Variants in VAV3 observed in about 807,000 individuals in gnomAD.
The protein encoded by VAV3 is vav guanine nucleotide exchange factor 3, also known as guanine nucleotide exchange factor VAV3.
In VAV3, 94 loss-of-function variants were observed where a neutral mutation model predicts 131.2. The observed-to-expected ratio is 0.72, with a 90% confidence interval of 0.61 to 0.85. VAV3 has a LOEUF of 0.85. Among genes scored for constraint, VAV3 ranks in the 40% least tolerant of loss-of-function variants. VAV3 has a pLI of 0.00. For synonymous variants in VAV3, 349 were observed against 342.0 expected (o/e 1.02, Z -0.22); for missense variants, 939 against 1,002.7 (o/e 0.94, Z 0.86).
intron 2 of VAV3, among the ~76,000 whole-genome samples, chr1:107,784,827 A>T (rs931031450): frequency 2.0e-5 from 3 of 152,240 alleles, no homozygotes; most frequent in Non-Finnish European, 4.4e-5. Context: ...AGGTGTCCAG[A>T]TATGTAAAGG....
intron 20 of VAV3, among the ~76,000 whole-genome samples, chr1:107,633,900 C>T (rs1469143407): frequency 6.6e-6 from 1 of 152,036 alleles, no homozygotes; most frequent in Non-Finnish European, 1.5e-5. Flanking sequence ...CATTCGAGAC[C>T]TTACAGCTGC....
rs552698828 is a variant in VAV3 at position 107,736,644 on chromosome 1, C to T, written c.1502+12324G>A. ...ATAAAATACCTAGGAATCCAACTTA[C>T]AAGGGATGTGAAGGATGTCTTCAAG... On this transcript the variant is annotated intron_variant, in intron 15 of 26. Coordinates refer to ENST00000370056, the MANE Select transcript of VAV3 (RefSeq NM_006113.5). Among the ~76,000 whole-genome samples, 34 of 152,194 alleles carry T rather than the reference C, an allele frequency of 2.2e-4. No individual in the cohort carries two copies. In the South Asian group the frequency reaches 7.1e-3, roughly 32 times the overall value.
chr1:107,869,869 C>T (rs1670176720), intron 2 of VAV3, among the ~76,000 whole-genome samples: 1 of 152,164 alleles, frequency 6.6e-6, no homozygotes, highest in African/African-American at 2.4e-5. Flanking sequence ...TAGCTTAGCT[C>T]CCACATATGA....
chr1:107,736,714 C>A (rs1662661416), intron 15 of VAV3, among the ~76,000 whole-genome samples: 1 of 151,742 alleles, frequency 6.6e-6, no homozygotes, highest in Admixed American at 6.6e-5. Flanking sequence ...AAGACACAAA[C>A]AAATGGAAGA....
In VAV3 at chr1:107,654,395, T is replaced by C. The variant is rs559525828; in HGVS notation, c.1778-11640A>G. 1.1e-3 allele frequency among the ~76,000 whole-genome samples: 173 copies of C among 152,146 alleles called. 2 individuals carry two copies. The highest frequency in any genetic ancestry group is 3.7e-3 in the African/African-American group (154 of 41,558). ...GGGATTATAATATTGGAAATATATA[T>C]TGTCTCCTTCCTATAAATTAATTGG... is the stretch of plus-strand genomic sequence containing the variant. On this transcript the variant is annotated intron_variant, in intron 19 of 26. Transcript: ENST00000370056.
intron 2 of VAV3, among the ~76,000 whole-genome samples, chr1:107,782,347 G>A (rs1221557940): frequency 3.3e-5 from 5 of 151,698 alleles, no homozygotes; most frequent in Admixed American, 1.3e-4. Flanking sequence ...CCTACACACC[G>A]CCTCTTTCAG....
intron 19 of VAV3, among the ~76,000 whole-genome samples, chr1:107,655,583 C>A (rs1195458290): frequency 2.6e-5 from 4 of 151,962 alleles, no homozygotes; most frequent in Non-Finnish European, 5.9e-5. Context: ...TTGTGTAAGA[C>A]CTCAAAAGCA....
At chr1:107,769,767 T>C (rs1664936104) in intron 6 of VAV3, among the ~76,000 whole-genome samples, 2 of 152,194 alleles carry the variant, frequency 1.3e-5, no homozygotes, top group Non-Finnish European at 2.9e-5. Context: ...ATTCATGCAG[T>C]TTCTCATGCC....
At chr1:107,816,372 T>C (rs1667560949) in intron 2 of VAV3, among the ~76,000 whole-genome samples, 1 of 152,330 alleles carries the variant, frequency 6.6e-6, no homozygotes, top group Admixed American at 6.5e-5. Flanking sequence ...ATGAGATAGA[T>C]AATGAAAAAG....
chr1:107,802,627 A>C (rs371423961), intron 2 of VAV3, among the ~76,000 whole-genome samples: 1 of 152,126 alleles, frequency 6.6e-6, no homozygotes. Context: ...TGGTTAGGTA[A>C]AGAGGATACA....
At chr1:107,944,962 C>G (rs1023981309) in intron 1 of VAV3, among the ~76,000 whole-genome samples, 6 of 152,242 alleles carry the variant, frequency 3.9e-5, no homozygotes, top group Middle Eastern at 3.4e-3. Context: ...ATAGCTTGCA[C>G]TTTTGGGATA....
chr1:107,872,431 CA>C (rs1235100567), intron 2 of VAV3, among the ~76,000 whole-genome samples: 1 of 152,162 alleles, frequency 6.6e-6, no homozygotes, highest in Non-Finnish European at 1.5e-5. Flanking sequence ...AGATATTATT[CA>C]TTTTAAGTTA....
chr1:107,670,212 T>A (rs901125396), intron 19 of VAV3, among the ~76,000 whole-genome samples: 1 of 152,184 alleles, frequency 6.6e-6, no homozygotes, highest in Non-Finnish European at 1.5e-5. Context: ...AGAATTTCCA[T>A]CACTGCTGGC....
chr1:107,669,771 A>C (rs937445896), intron 19 of VAV3, among the ~76,000 whole-genome samples: 1 of 152,196 alleles, frequency 6.6e-6, no homozygotes, highest in African/African-American at 2.4e-5. Flanking sequence ...GGCAGAAGAA[A>C]AGAGGTAAAG....
chr1:107,814,606 T>C (rs1294747698), intron 2 of VAV3, among the ~76,000 whole-genome samples: 2 of 152,366 alleles, frequency 1.3e-5, no homozygotes, highest in East Asian at 3.9e-4. Context: ...TTGTTTTCTT[T>C]GCTGTTTGGA....
chr1:107,616,924 C>G (rs928851279), intron 21 of VAV3, among the ~76,000 whole-genome samples: 5 of 152,024 alleles, frequency 3.3e-5, no homozygotes, highest in Non-Finnish European at 5.9e-5. Context: ...ACCCATAATA[C>G]CATATTATGA....
Position 107,952,468 on chromosome 1 carries a change from T to TTTATATATATATATATATATATA in VAV3, c.204+12197_204+12198insTATATATATATATATATATATAA, listed in dbSNP as rs1553235441. 4.2e-4 allele frequency among the ~76,000 whole-genome samples: 50 copies of TTTATATATATATATATATATATA among 118,952 alleles called. 4 individuals are homozygous for TTTATATATATATATATATATATA. The highest frequency in any genetic ancestry group is 1.6e-3 in the African/African-American group (45 of 28,182). The allele number at this position is 118,952 out of a possible 152,430, so 78.0% of individuals were successfully genotyped here. A position where few individuals can be genotyped will look rare whatever the true frequency, so the allele number is the denominator to read the frequency against. On this transcript the variant is annotated intron_variant, in intron 1 of 26. Transcript: ENST00000370056. ...TGTGCCCCGAACTTATAACAAAACT[T>TTTATATATATATATATATATATA]TATATATATATATATATACACACAT... is the stretch of plus-strand genomic sequence containing the variant.
At chr1:107,597,733 T>C (rs567428394) in intron 24 of VAV3, among the ~76,000 whole-genome samples, 6 of 152,276 alleles carry the variant, frequency 3.9e-5, no homozygotes, top group South Asian at 2.1e-4. Context: ...GGCTAAAGCA[T>C]TGGATAAGGG....
chr1:107,733,774 C>G (rs892409661), intron 15 of VAV3, among the ~76,000 whole-genome samples: 4 of 152,096 alleles, frequency 2.6e-5, no homozygotes, highest in Admixed American at 6.5e-5. Context: ...ATTGGTGTAC[C>G]TGAAAGTGAC....
Sources: allele counts gnomAD v4.1 joint callset (sites outside exome capture counted in the v4.1 genomes callset), GRCh38; gene constraint gnomAD v4.1.1; transcripts MANE v1.5; gene names NCBI Gene and HGNC (gene_info 2026-07-23, HGNC 2026-07-21).